CHCHD6: variants seen among roughly 807,000 people sequenced by gnomAD.
CHCHD6 encodes MICOS complex subunit MIC25.
Under a neutral mutation model 32.3 loss-of-function variants are expected in CHCHD6, and 28 were observed. The observed-to-expected ratio is 0.87, with a 90% CI of 0.64 to 1.19. The LOEUF is 1.19. Ranked by LOEUF, CHCHD6 falls within the 50% of genes most tolerant of loss-of-function variation. The pLI is 0.00. For missense variants in CHCHD6, 333 were observed against 307.0 expected, an observed-to-expected ratio of 1.08 and a Z score of -0.63; for synonymous variants, 122 against 117.5, an observed-to-expected ratio of 1.04 and a Z score of -0.25.
intron 1 of CHCHD6, among the ~76,000 whole-genome samples, chr3:126,714,836 C>T (rs1231715716): frequency 6.6e-6 from 1 of 152,176 alleles, no homozygotes; most frequent in East Asian, 1.9e-4. Context: ...TCACTCTCTG[C>T]AGCTCACTCT....
At chr3:126,929,015 C>A (rs1011937622) in intron 6 of CHCHD6, among the ~76,000 whole-genome samples, 1 of 152,250 alleles carries the variant, frequency 6.6e-6, no homozygotes, top group East Asian at 1.9e-4. Context: ...CTGATGGAAA[C>A]AGCTCAGGGC....
chr3:126,864,041 C>A (rs921988808), intron 5 of CHCHD6, among the ~76,000 whole-genome samples: 4 of 148,552 alleles, frequency 2.7e-5, no homozygotes, highest in African/African-American at 1.0e-4. Context: ...ATCACCACCT[C>A]CTCCTCCTCT....
At chr3:126,947,125 C>T (rs1298124319) in intron 6 of CHCHD6, among the ~76,000 whole-genome samples, 3 of 152,262 alleles carry the variant, frequency 2.0e-5, no homozygotes, top group Non-Finnish European at 2.9e-5. Flanking sequence ...CTGGAGTGCC[C>T]GCCGTCATGG....
chr3:126,890,320 C>T (rs1221299837), intron 5 of CHCHD6, among the ~76,000 whole-genome samples: 4 of 152,200 alleles, frequency 2.6e-5, no homozygotes, highest in Non-Finnish European at 5.9e-5. Context: ...GCTCTAGCCC[C>T]CATTGCTGGC....
intron 6 of CHCHD6, among the ~76,000 whole-genome samples, chr3:126,916,872 G>A (rs901212040): frequency 6.6e-6 from 1 of 152,246 alleles, no homozygotes; most frequent in African/African-American, 2.4e-5. Context: ...TACCCGAGCA[G>A]CTTCTTCCAA....
At chr3:126,894,713 G>T (rs2077813007) in intron 5 of CHCHD6, among the ~76,000 whole-genome samples, 1 of 152,168 alleles carries the variant, frequency 6.6e-6, no homozygotes. Flanking sequence ...TGGTGAAGGG[G>T]TGGTGTTGGG....
chr3:126,864,271 T>C (rs1460561228), intron 5 of CHCHD6, among the ~76,000 whole-genome samples: 4 of 120,734 alleles, frequency 3.3e-5, no homozygotes, highest in Admixed American at 1.6e-4. Flanking sequence ...CCCTCCTCCA[T>C]CACCACCTCC....
chr3:126,871,791 G>T (rs1385756041), intron 5 of CHCHD6, among the ~76,000 whole-genome samples: 1 of 148,344 alleles, frequency 6.7e-6, no homozygotes, highest in African/African-American at 2.5e-5. Flanking sequence ...TCAGCCTCCC[G>T]AGTAGCTGGG....
intron 5 of CHCHD6, among the ~76,000 whole-genome samples, chr3:126,861,777 C>A (rs568546824): frequency 7.5e-6 from 1 of 132,750 alleles, no homozygotes; most frequent in South Asian, 3.0e-4. Context: ...CCACCTCCCC[C>A]TCCACGACCA....
rs141474417 is a variant in CHCHD6, at chr3:126,955,922, C to T, written c.567-1494C>T. 8.5e-5 allele frequency among the ~76,000 whole-genome samples: 13 copies of T among 152,218 alleles called. No homozygotes were observed. The East Asian group carries it at 2.3e-3, about 27-fold the overall frequency. On this transcript the variant is annotated intron_variant, in intron 6 of 7. Transcript: ENST00000290913. ...TACAGTGGCCTGGGGATGACATGGA[C>T]GAGAAGGGAAGACCAGACCCAGGTG...
intron 4 of CHCHD6, among the ~76,000 whole-genome samples, chr3:126,791,564 A>G (rs1044645098): frequency 3.9e-5 from 6 of 152,196 alleles, no homozygotes; most frequent in African/African-American, 1.4e-4. Flanking sequence ...TTGCAGTTGG[A>G]TCTCAAACTG....
intron 4 of CHCHD6, 127 bp downstream of exon 4, chr3:126,733,349 C>T: frequency 1.2e-6 from 1 of 858,802 alleles, no homozygotes; most frequent in Non-Finnish European, 1.8e-6. Flanking sequence ...ATGTGCTCGG[C>T]TTCACCTCTG....
chr3:126,929,944 A>C (rs1015970283), intron 6 of CHCHD6, among the ~76,000 whole-genome samples: 1 of 152,248 alleles, frequency 6.6e-6, no homozygotes, highest in East Asian at 1.9e-4. Flanking sequence ...TTGTACAAAA[A>C]TGAGGACCTC....
At chr3:126,862,636 TCACCCTCTTCCACCATCACCACCTCCC>T in intron 5 of CHCHD6, among the ~76,000 whole-genome samples, 1 of 61,450 alleles carries the variant, frequency 1.6e-5, no homozygotes, top group Non-Finnish European at 3.2e-5. Flanking sequence ...CATCACCACC[TCACCCTCTTCCACCATCACCACCTCCC>T]CCTCCTCCAC....
intron 6 of CHCHD6, among the ~76,000 whole-genome samples, chr3:126,920,100 T>TA (rs1299876724): frequency 2.0e-5 from 3 of 152,134 alleles, no homozygotes; most frequent in African/African-American, 7.2e-5. Flanking sequence ...TTCTCCTTAT[T>TA]AGTCTTTTAG....
rs549923770 is a variant in CHCHD6 at position 126,847,221 on chromosome 3, C to T, written c.412-5426C>T. ...AAGGTCTTGTAGTCAAGGTATCTGC[C>T]GGGGCTGCTATCTCATTTGAAGGCT... is the stretch of plus-strand genomic sequence containing the variant. On this transcript the variant is annotated intron_variant, in intron 4 of 7. Transcript: ENST00000290913. Among the ~76,000 whole-genome samples the T allele has an allele frequency of 1.8e-3, 275 of 152,250 alleles. 2 individuals are homozygous for T. Among genetic ancestry groups the T allele is most frequent in the South Asian group, 0.015 (73 of 4,818 alleles).
intron 5 of CHCHD6, among the ~76,000 whole-genome samples, chr3:126,875,674 T>G (rs2077531050): frequency 6.6e-6 from 1 of 152,206 alleles, no homozygotes; most frequent in Non-Finnish European, 1.5e-5. Flanking sequence ...TGCGTCAGTG[T>G]CCTTAGAATC....
At chr3:126,865,751 A>C in intron 5 of CHCHD6, 1 of 984,032 alleles carries the variant, frequency 1.0e-6, no homozygotes, top group Non-Finnish European at 1.2e-6. Context: ...ATGTTTGCTA[A>C]AGATGTGTTT....
At chr3:126,876,108 G>A (rs1382482525) in intron 5 of CHCHD6, among the ~76,000 whole-genome samples, 1 of 152,218 alleles carries the variant, frequency 6.6e-6, no homozygotes, top group Non-Finnish European at 1.5e-5. Context: ...TACTTACTCT[G>A]AGCACTGTTA....
Sources: gnomAD v4.1 joint callset for allele counts (sites outside exome capture counted in the v4.1 genomes callset) on GRCh38, gnomAD v4.1.1 for gene constraint, MANE v1.5 for transcripts, NCBI Gene and HGNC (gene_info 2026-07-23, HGNC 2026-07-21) for gene names.